GOSR2: variants seen among roughly 807,000 people sequenced by gnomAD.
GOSR2 encodes the protein 27 kDa Golgi SNARE protein.
GOSR2 carries 20 observed loss-of-function variants against 27.9 expected under a neutral mutation model. The observed-to-expected ratio is 0.72, with a 90% CI of 0.50 to 1.04. GOSR2 has a LOEUF of 1.04. GOSR2 is among the 50% of genes least tolerant of loss of function. The pLI, the probability that GOSR2 is intolerant of heterozygous loss-of-function variation, is 0.00. For synonymous variants in GOSR2, 91 were observed against 98.8 expected (o/e 0.92, Z 0.47); for missense variants, 261 against 270.5 (o/e 0.97, Z 0.25).
chr17:46,935,672 G>A (rs2088195100), intron 5 of GOSR2: 1 of 991,126 alleles, frequency 1.0e-6, no homozygotes, highest in African/African-American at 1.7e-5. Flanking sequence ...AGCTTTAGAA[G>A]CTTCTAGAGC....
chr17:46,963,388 T>TA (rs1413228492), intron 6 of GOSR2, among the ~76,000 whole-genome samples: 3 of 151,826 alleles, frequency 2.0e-5, no homozygotes, highest in African/African-American at 4.8e-5. Flanking sequence ...CTACTAAAAA[T>TA]AAAAAAATTA....
chr17:46,970,268 C>T (rs575713077), downstream of GOSR2, among the ~76,000 whole-genome samples: 2 of 152,138 alleles, frequency 1.3e-5, no homozygotes, highest in African/African-American at 2.4e-5. Context: ...AGACCAGCCG[C>T]GGTGGCTCAC....
chr17:46,927,057 A>G (rs1410724220), intron 1 of GOSR2, among the ~76,000 whole-genome samples: 1 of 152,156 alleles, frequency 6.6e-6, no homozygotes. Context: ...TTCCTTATTA[A>G]TGCATATGTC....
intron 1 of GOSR2, chr17:46,924,230 G>C (rs2146721777): frequency 5.4e-6 from 1 of 186,652 alleles, no homozygotes; most frequent in East Asian, 1.3e-4. Flanking sequence ...TTGTCCTTTT[G>C]TATCTGGCTT....
In GOSR2 at chr17:46,939,596, A is replaced by ACAG. The variant is rs1031804404; in HGVS notation, c.*837_*839dup. On this transcript the variant is annotated 3_prime_UTR_variant, in exon 6 of 6. Coordinates refer to ENST00000640051, the MANE Select transcript of GOSR2 (RefSeq NM_004287.5). ...GGCAAAGATTTGTGATTTTCCAATT[A>ACAG]CAGTCTCAGCTCTAGTTTTAGTATC... 4 of 985,396 alleles carry ACAG rather than the reference A, an allele frequency of 4.1e-6. No homozygotes were observed. In the African/African-American group the frequency reaches 7.0e-5, roughly 17 times the overall value. The allele number at this position is 985,396 out of a possible 1,614,324, so 61.0% of individuals were successfully genotyped here. A position where few individuals can be genotyped will look rare whatever the true frequency, so the allele number is the denominator to read the frequency against.
chr17:46,923,257 G>A (rs2085962829), intron 1 of GOSR2, 36 bp downstream of exon 1: 1 of 1,550,574 alleles, frequency 6.4e-7, no homozygotes, highest in Non-Finnish European at 8.7e-7. Flanking sequence ...GGGGCTAGAC[G>A]AGGCGAGGCC....
chr17:46,954,343 A>T (rs2147255990), intron 6 of GOSR2, among the ~76,000 whole-genome samples: 1 of 152,188 alleles, frequency 6.6e-6, no homozygotes, highest in East Asian at 1.9e-4. Context: ...ATCAGATAGT[A>T]GTAGATAAGC....
intron 6 of GOSR2, among the ~76,000 whole-genome samples, chr17:46,947,636 C>G (rs1038501480): frequency 6.6e-6 from 1 of 152,186 alleles, no homozygotes; most frequent in Non-Finnish European, 1.5e-5. Flanking sequence ...CCTGACTTTG[C>G]TGTTTATTAG....
intron 6 of GOSR2, among the ~76,000 whole-genome samples, chr17:46,952,402 A>G (rs2090427715): frequency 6.6e-6 from 1 of 152,064 alleles, no homozygotes; most frequent in Non-Finnish European, 1.5e-5. Context: ...TGGTTTCCTG[A>G]CCAACATCCA....
chr17:46,934,565 T>TTAAC (rs2087958733), intron 4 of GOSR2, among the ~76,000 whole-genome samples: 1 of 152,070 alleles, frequency 6.6e-6, no homozygotes, highest in African/African-American at 2.4e-5. Flanking sequence ...CTATCCTTAG[T>TTAAC]TAACTCTCAG....
At chr17:46,942,848 A>G (rs1282447187), downstream of GOSR2, among the ~76,000 whole-genome samples, 1 of 152,152 alleles carries the variant, frequency 6.6e-6, no homozygotes, top group East Asian at 1.9e-4. Flanking sequence ...GGCACATGGG[A>G]GAGGAGTGTT....
chr17:46,923,816 G>C (rs918865940), intron 1 of GOSR2: 2 of 401,120 alleles, frequency 5.0e-6, no homozygotes, highest in Non-Finnish European at 8.8e-6. Flanking sequence ...TTCCTTGGTA[G>C]TGTCCTTTAT....
chr17:46,935,893 G>T, intron 5 of GOSR2: 1 of 985,938 alleles, frequency 1.0e-6, no homozygotes, highest in Non-Finnish European at 1.2e-6. Flanking sequence ...GGTTCTGTCT[G>T]TTATCAGGGT....
chr17:46,972,021 A>AGG (rs1350479168), intron 6 of GOSR2, among the ~76,000 whole-genome samples: 1 of 152,008 alleles, frequency 6.6e-6, no homozygotes, highest in Non-Finnish European at 1.5e-5. Context: ...CGTGGGGGAG[A>AGG]GGGGGGACCT....
chr17:46,950,587 C>T (rs1480495789), intron 6 of GOSR2, among the ~76,000 whole-genome samples: 2 of 152,224 alleles, frequency 1.3e-5, no homozygotes, highest in African/African-American at 4.8e-5. Flanking sequence ...CAGGGGCAGC[C>T]ATGAGCTTCA....
At position 46,925,262 on chromosome 17, in the gene GOSR2, T is replaced by C. The variant is rs567997339; in HGVS notation, c.29+2041T>C. Among the ~76,000 whole-genome samples the C allele has an allele frequency of 2.0e-5, 3 of 152,298 alleles. No homozygotes were observed. The East Asian group carries it at 5.8e-4, about 29-fold the overall frequency. On this transcript the variant is annotated intron_variant, in intron 1 of 5. Transcript: ENST00000640051. Reference sequence around the variant, plus strand: ...ACTAATTGATGTACCTGTGTTCCAGTACAATTTTATTTATCAAAACAAGCA... The same window carrying C: ...ACTAATTGATGTACCTGTGTTCCAGCACAATTTTATTTATCAAAACAAGCA...
chr17:46,942,687 G>GTCC (rs1476734593), downstream of GOSR2, among the ~76,000 whole-genome samples: 3 of 152,228 alleles, frequency 2.0e-5, no homozygotes, highest in African/African-American at 4.8e-5. Flanking sequence ...AGTGAAAGCT[G>GTCC]TCCTCAGGCC....
At chr17:46,972,241 C>T (rs1032686733) in intron 6 of GOSR2, among the ~76,000 whole-genome samples, 1 of 152,196 alleles carries the variant, frequency 6.6e-6, no homozygotes, top group Non-Finnish European at 1.5e-5. Flanking sequence ...CCCGCTTCTT[C>T]CTCCTCTCTT....
chr17:46,972,023 G>A (rs975240195), intron 6 of GOSR2, among the ~76,000 whole-genome samples: 1 of 152,172 alleles, frequency 6.6e-6, no homozygotes, highest in Non-Finnish European at 1.5e-5. Flanking sequence ...TGGGGGAGAG[G>A]GGGGACCTTC....
Sources: allele counts gnomAD v4.1 joint callset (sites outside exome capture counted in the v4.1 genomes callset), GRCh38; gene constraint gnomAD v4.1.1; transcripts MANE v1.5; gene names NCBI Gene and HGNC (gene_info 2026-07-23, HGNC 2026-07-21).